Variants in DHX8 observed in about 807,000 individuals in gnomAD.
DHX8 encodes ATP-dependent RNA helicase DHX8.
DHX8 carries 67 observed loss-of-function variants against 140.7 expected under a neutral mutation model. The ratio of observed to expected loss-of-function variants is 0.48; its 90% CI spans 0.39 to 0.58. The LOEUF (loss-of-function observed/expected upper bound fraction) is 0.58. DHX8 is among the 20% of genes least tolerant of loss of function. The pLI, the probability that DHX8 is intolerant of heterozygous loss-of-function variation, is 0.00. For missense variants in DHX8, 887 were observed against 1,550.7 expected (o/e 0.57, Z 7.19); for synonymous variants, 533 against 553.2 (o/e 0.96, Z 0.51).
At chr17:43,510,844 G>T (rs1314745152) in intron 16 of DHX8, among the ~76,000 whole-genome samples, 1 of 152,092 alleles carries the variant, frequency 6.6e-6, no homozygotes, top group Non-Finnish European at 1.5e-5. Flanking sequence ...CTGTGGATTT[G>T]CCTATTCTAG....
chr17:43,530,037 G>C (rs1412470517), downstream of DHX8: 2 of 1,608,590 alleles, frequency 1.2e-6, no homozygotes, highest in South Asian at 1.1e-5. Flanking sequence ...TGGCCAGGGA[G>C]ACCCTCCCCC....
In DHX8 at chr17:43,524,458, C is replaced by T. The variant is rs1377343177; in HGVS notation, c.*611C>T. Reference sequence around the variant, plus strand: ...ATCCCCTGAAACCAGAACGCAGGGCCTCTTTGCGCTCGGAAACGACGTACA... The same window carrying T: ...ATCCCCTGAAACCAGAACGCAGGGCTTCTTTGCGCTCGGAAACGACGTACA... On this transcript the variant is annotated 3_prime_UTR_variant, in exon 23 of 23. Coordinates refer to ENST00000262415, the MANE Select transcript of DHX8 (RefSeq NM_004941.3). 20 of 987,296 alleles carry T rather than the reference C, an allele frequency of 2.0e-5. No individual in the cohort carries two copies. The highest frequency in any genetic ancestry group is 2.4e-5 in the Non-Finnish European group (20 of 831,428). 61.2% of individuals were successfully genotyped at this position (987,296 alleles called of 1,614,324 possible). A position where few individuals can be genotyped will look rare whatever the true frequency, so the allele number is the denominator to read the frequency against.
At position 43,498,863 on chromosome 17, in the gene DHX8, T is replaced by C; in HGVS notation, c.1302T>C (p.Asp434=). ...TTCTTCTTTTGGGGGGACTTTTAGA[T>C]GAGGACCTTGAGATTGAATTGGTTG... ...GILPKVDDEE[D]EDLEIELVEE... Residue 434 remains aspartate, a splice_region_variant and synonymous_variant, in exon 10 of 23, where the codon GAT becomes GAC. Transcript: ENST00000262415. The C allele has an allele frequency of 6.3e-7, 1 of 1,592,902 alleles. No individual in the cohort carries two copies. Among genetic ancestry groups the C allele is most frequent in the Non-Finnish European group, 8.5e-7 (1 of 1,172,366 alleles).
chr17:43,505,885 T>C (rs1236590939), intron 12 of DHX8, among the ~76,000 whole-genome samples: 1 of 152,048 alleles, frequency 6.6e-6, no homozygotes, highest in Non-Finnish European at 1.5e-5. Flanking sequence ...AGTACAAATA[T>C]ATGCACACAC....
At chr17:43,491,075 A>G (rs1968490745) in intron 3 of DHX8, 90 bp from the exon 4 acceptor site, 2 of 527,700 alleles carry the variant, frequency 3.8e-6, no homozygotes, top group Admixed American at 3.9e-5. Flanking sequence ...GTTTGATACA[A>G]ATCTATTGTT....
chr17:43,499,492 C>T (rs1213613237), intron 10 of DHX8, among the ~76,000 whole-genome samples: 3 of 152,186 alleles, frequency 2.0e-5, no homozygotes, highest in African/African-American at 7.2e-5. Flanking sequence ...CTCATATGGT[C>T]ATCTCATAGC....
chr17:43,501,515 C>T (rs1698294892), intron 11 of DHX8, among the ~76,000 whole-genome samples: 1 of 152,094 alleles, frequency 6.6e-6, no homozygotes, highest in Admixed American at 6.6e-5. Flanking sequence ...CAGAGTTTTG[C>T]TCTTGTTGCC....
At chr17:43,526,728 T>C, downstream of DHX8, 4 of 1,419,320 alleles carry the variant, frequency 2.8e-6, no homozygotes, top group Non-Finnish European at 3.7e-6. Flanking sequence ...CACCGATTTT[T>C]ACACCTTCTT....
At chr17:43,542,081 A>G (rs1159924590) in intron 3 of DHX8, among the ~76,000 whole-genome samples, 1 of 152,096 alleles carries the variant, frequency 6.6e-6, no homozygotes, top group East Asian at 1.9e-4. Flanking sequence ...ACCTACAAAT[A>G]TGATTGGGAC....
chr17:43,493,933 C>T (rs1968693392), intron 8 of DHX8, 47 bp downstream of exon 8: 5 of 1,602,370 alleles, frequency 3.1e-6, no homozygotes, highest in Non-Finnish European at 4.3e-6. Context: ...CAGCATGTAG[C>T]ATGGTGCTTA....
At chr17:43,513,052 T>C (rs2154586759) in intron 16 of DHX8, among the ~76,000 whole-genome samples, 4 of 152,222 alleles carry the variant, frequency 2.6e-5, no homozygotes, top group Admixed American at 2.6e-4. Flanking sequence ...ATTGTAGTAA[T>C]CAACATTGGA....
chr17:43,544,757 A>T, downstream of DHX8: 2 of 508,970 alleles, frequency 3.9e-6, no homozygotes, highest in South Asian at 5.7e-5. Flanking sequence ...TAGTTACACA[A>T]GCCTGGCTCA....
intron 4 of DHX8, 88 bp downstream of exon 4, chr17:43,491,338 T>C: frequency 1.4e-6 from 1 of 691,914 alleles, no homozygotes; most frequent in East Asian, 3.1e-5. Context: ...TAATTTTAAG[T>C]TTGCCTTTGT....
chr17:43,487,360 T>G (rs1968228798), intron 1 of DHX8, among the ~76,000 whole-genome samples: 1 of 152,218 alleles, frequency 6.6e-6, no homozygotes, highest in Non-Finnish European at 1.5e-5. Context: ...TATGAGTTAG[T>G]CATCTAGATC....
At chr17:43,526,690 C>T (rs1479569981), downstream of DHX8, 20 of 1,508,630 alleles carry the variant, frequency 1.3e-5, no homozygotes, top group African/African-American at 4.1e-5. Flanking sequence ...CCTCTCTCTT[C>T]GTGTGTGTAC....
chr17:43,525,530 ATTG>A lies in DHX8; in HGVS notation c.*1688_*1690del. The A allele has an allele frequency of 7.1e-6, 7 of 985,438 alleles. No individual in the cohort carries two copies. Among genetic ancestry groups the A allele is most frequent in the Non-Finnish European group, 8.4e-6 (7 of 829,970 alleles). The allele number at this position is 985,438 out of a possible 1,614,324, so 61.0% of individuals were successfully genotyped here. A position where few individuals can be genotyped will look rare whatever the true frequency, so the allele number is the denominator to read the frequency against. ...CAGGCCAGTAATCAAGGGGCAGGGC[ATTG>A]TTGTGTGTTAACCTTGAAGGCCTTC... On this transcript the variant is annotated 3_prime_UTR_variant, in exon 23 of 23. Transcript: ENST00000262415.
chr17:43,504,883 T>G (rs1455309741), intron 12 of DHX8, 58 bp downstream of exon 12: 2 of 1,489,852 alleles, frequency 1.3e-6, no homozygotes, highest in African/African-American at 2.8e-5. Flanking sequence ...AAAAGAGGGG[T>G]GATATTTTTA....
At chr17:43,498,339 G>T (rs1324306743) in intron 9 of DHX8, among the ~76,000 whole-genome samples, 3 of 151,668 alleles carry the variant, frequency 2.0e-5, no homozygotes, top group Admixed American at 6.6e-5. Context: ...TAAAGATGGG[G>T]TTTCACCATG....
At chr17:43,510,399 T>C (rs1193581064) in intron 16 of DHX8, among the ~76,000 whole-genome samples, 1 of 152,136 alleles carries the variant, frequency 6.6e-6, no homozygotes, top group African/African-American at 2.4e-5. Context: ...CCATGGTATG[T>C]GGGGATTGGT....
Sources: gnomAD v4.1 joint callset for allele counts (sites outside exome capture counted in the v4.1 genomes callset) on GRCh38, gnomAD v4.1.1 for gene constraint, MANE v1.5 for transcripts, NCBI Gene and HGNC (gene_info 2026-07-23, HGNC 2026-07-21) for gene names.